The following RYR3 variants were observed in gnomAD, a reference collection of about 807,000 sequenced individuals.
RYR3 encodes the protein ryanodine receptor 3, also known as brain ryanodine receptor-calcium release channel.
A neutral mutation model predicts 584.3 loss-of-function variants in RYR3; 207 were observed. The observed-to-expected ratio is 0.35, with a 90% CI of 0.32 to 0.40. The LOEUF is 0.40. Ranked by LOEUF, RYR3 falls within the 10% of genes least tolerant of loss-of-function variation. The pLI, the probability that RYR3 is intolerant of heterozygous loss-of-function variation, is 1.00. For missense variants in RYR3, 5,616 were observed against 6,089.2 expected, an observed-to-expected ratio of 0.92 and a Z score of 2.59; for synonymous variants, 2,416 against 2,248.5, an observed-to-expected ratio of 1.07 and a Z score of -2.11.
At chr15:33,461,201 C>T (rs1024018332) in intron 1 of RYR3, among the ~76,000 whole-genome samples, 2 of 152,044 alleles carry the variant, frequency 1.3e-5, no homozygotes, top group Non-Finnish European at 2.9e-5. Flanking sequence ...GCCTCGGCCT[C>T]CCAAAGTGCT....
intron 30 of RYR3, 85 bp downstream of exon 30, chr15:33,647,545 T>A: frequency 2.1e-6 from 2 of 963,010 alleles, no homozygotes; most frequent in Non-Finnish European, 3.3e-6. Context: ...AAGATCCGTC[T>A]AGAGATCCTC....
At chr15:33,847,139 C>T (rs1004325831) in intron 93 of RYR3, 1 of 152,232 alleles carries the variant, frequency 6.6e-6, no homozygotes, top group Non-Finnish European at 1.5e-5. Context: ...AGTCGCTGAG[C>T]TTTGCCTCAC....
chr15:33,609,328 G>A (rs141947886), intron 18 of RYR3, among the ~76,000 whole-genome samples: 116 of 152,288 alleles, frequency 7.6e-4, no homozygotes, highest in Non-Finnish European at 1.5e-3. Context: ...CAGCACTTCG[G>A]GAGGCCGAGA....
chr15:33,822,294 G>A (rs142491495), intron 80 of RYR3, among the ~76,000 whole-genome samples: 22 of 152,302 alleles, frequency 1.4e-4, no homozygotes, highest in African/African-American at 5.3e-4. Context: ...AAGCATCTGT[G>A]TGTACAGGGA....
chr15:33,326,735 G>A (rs1595724039), intron 1 of RYR3, among the ~76,000 whole-genome samples: 1 of 151,968 alleles, frequency 6.6e-6, no homozygotes, highest in African/African-American at 2.4e-5. Context: ...AGATAAGGCT[G>A]GAAAACTGGG....
Position 33,838,527 on chromosome 15 carries a change from G to C in RYR3, c.12547G>C (p.Val4183Leu), listed in dbSNP as rs757208405. The change falls in exon 89 of 104, where the codon GTG becomes CTG. Residue 4183 changes from valine (V) to leucine (L), a missense_variant. Transcript: ENST00000634891. Reference sequence around the variant, plus strand: ...GATGACTGCGAAGGAGCTGGTGAAGGTGCTCTTCTCCTTTTTCTGGATGCT... The same window carrying C: ...GATGACTGCGAAGGAGCTGGTGAAGCTGCTCTTCTCCTTTTTCTGGATGCT... Reference protein sequence around the residue: ...KKMTAKELVKVLFSFFWMLFV... With the variant: ...KKMTAKELVKLLFSFFWMLFV... The C allele has an allele frequency of 3.1e-6, 5 of 1,613,958 alleles. No individual in the cohort carries two copies. Among genetic ancestry groups the C allele is most frequent in the Non-Finnish European group, 4.2e-6 (5 of 1,179,874 alleles).
chr15:33,602,841 G>A (rs2059737577), intron 17 of RYR3, among the ~76,000 whole-genome samples: 2 of 145,948 alleles, frequency 1.4e-5, no homozygotes, highest in African/African-American at 5.1e-5. Flanking sequence ...GAACTGCTAG[G>A]CTCAAGCAGT....
chr15:33,659,057 A>G (rs2062991408), intron 32 of RYR3, among the ~76,000 whole-genome samples: 1 of 152,174 alleles, frequency 6.6e-6, no homozygotes. Flanking sequence ...ACATTTGGCA[A>G]TGTTGGGAAC....
At chr15:33,556,096 C>T (rs769433242) in intron 10 of RYR3, among the ~76,000 whole-genome samples, 2 of 152,192 alleles carry the variant, frequency 1.3e-5, no homozygotes, top group Non-Finnish European at 2.9e-5. Flanking sequence ...CATGAATGGG[C>T]TCCACCTTCC....
chr15:33,765,632 C>CAAA (rs761552773), intron 60 of RYR3, among the ~76,000 whole-genome samples: 31 of 60,882 alleles, frequency 5.1e-4, no homozygotes, highest in East Asian at 2.6e-3. Flanking sequence ...GACTCCGTCT[C>CAAA]AAAAAAAAAA....
chr15:33,767,518 G>A (rs2152880678), intron 60 of RYR3, among the ~76,000 whole-genome samples: 2 of 31,542 alleles, frequency 6.3e-5, no homozygotes, highest in Admixed American at 9.0e-4. Flanking sequence ...AAAGACTCAG[G>A]GCATTTATTG....
intron 27 of RYR3, among the ~76,000 whole-genome samples, chr15:33,637,035 A>G (rs1036695518): frequency 6.6e-6 from 1 of 152,240 alleles, no homozygotes; most frequent in East Asian, 1.9e-4. Context: ...ATGAAATACA[A>G]TTTATTTTGA....
intron 90 of RYR3, 37 bp downstream of exon 90, chr15:33,840,920 T>C (rs1327457209): frequency 6.3e-7 from 1 of 1,596,466 alleles, no homozygotes. Flanking sequence ...CTCATTGCTA[T>C]GGTAGATAAT....
At chr15:33,398,091 A>G (rs775377645) in intron 1 of RYR3, among the ~76,000 whole-genome samples, 3 of 152,264 alleles carry the variant, frequency 2.0e-5, no homozygotes, top group Non-Finnish European at 2.9e-5. Flanking sequence ...GCGAGATAAA[A>G]TACTCAACTT....
At position 33,826,654 on chromosome 15, in the gene RYR3, A is replaced by T. The variant is rs746862087; in HGVS notation, c.11165-18A>T. 1 of 1,605,062 alleles carries T rather than the reference A, an allele frequency of 6.2e-7. No individual in the cohort carries two copies. Among genetic ancestry groups the T allele is most frequent in the South Asian group, 1.1e-5 (1 of 90,932 alleles). ...TGAGAAGCCAAACCAATGCTCATCAACGTTCTGTGTTTTCAAGGTGAAAAA... is the reference window on the plus strand; with the variant it reads ...TGAGAAGCCAAACCAATGCTCATCATCGTTCTGTGTTTTCAAGGTGAAAAA... On this transcript the variant is annotated intron_variant, in intron 83 of 103. Transcript: ENST00000634891.
At position 33,844,965 on chromosome 15, in the gene RYR3, A is replaced by T. The variant is rs765316814; in HGVS notation, c.13400A>T (p.Gln4467Leu). 6.2e-7 allele frequency: 1 copy of T among 1,614,030 alleles called. No individual in the cohort carries two copies. The highest frequency in any genetic ancestry group is 8.5e-7 in the Non-Finnish European group (1 of 1,179,882). The change falls in exon 93 of 104, where the codon CAG becomes CTG. Residue 4467 changes from glutamine (Q) to leucine (L), a missense_variant. Transcript: ENST00000634891. ...GAAGCGATGGTATTCTTTGTCCTTC[A>T]GGAGAGCACCGGGTATATGGCACCA... ...EEEAMVFFVL[Q>L]ESTGYMAPTL... is the part of the protein sequence containing the mutation.
intron 1 of RYR3, among the ~76,000 whole-genome samples, chr15:33,431,330 A>G (rs535252514): frequency 2.0e-5 from 3 of 152,264 alleles, no homozygotes; most frequent in East Asian, 1.9e-4. Context: ...TTGAGTGGGG[A>G]AAAAAAAGTA....
At chr15:33,622,152 T>C (rs1304760677) in intron 19 of RYR3, among the ~76,000 whole-genome samples, 3 of 152,216 alleles carry the variant, frequency 2.0e-5, no homozygotes, top group Non-Finnish European at 4.4e-5. Context: ...GAGAATCTTA[T>C]ATTTCCTTAC....
In RYR3 at chr15:33,699,214, GTGTC is replaced by G. The variant is rs1160754194; in HGVS notation, c.6250-468_6250-465del. 7.0e-3 allele frequency among the ~76,000 whole-genome samples: 991 copies of G among 141,538 alleles called. 3 individuals are homozygous for G. The highest frequency in any genetic ancestry group is 0.031 in the Middle Eastern group (8 of 260). The allele number at this position is 141,538 out of a possible 152,430, so 92.9% of individuals were successfully genotyped here. On this transcript the variant is annotated intron_variant, in intron 40 of 103. Transcript: ENST00000634891. ...GGGCCTTATGTGTCTACGATCACCTGTGTCTGTCTGTCTGTCTGTCTGTCTCTCT... is the reference window on the plus strand; with the variant it reads ...GGGCCTTATGTGTCTACGATCACCTGTGTCTGTCTGTCTGTCTGTCTCTCT...
Sources: allele counts gnomAD v4.1 joint callset (sites outside exome capture counted in the v4.1 genomes callset), GRCh38; gene constraint gnomAD v4.1.1; transcripts MANE v1.5; gene names NCBI Gene and HGNC (gene_info 2026-07-23, HGNC 2026-07-21).